Variants in TDRD7 observed in about 807,000 individuals in gnomAD.
TDRD7 encodes tudor domain-containing protein 7.
In TDRD7, 47 loss-of-function variants were observed where a neutral mutation model predicts 109.8. The ratio of observed to expected loss-of-function variants is 0.43; its 90% CI spans 0.34 to 0.55. The LOEUF is 0.55. Ranked by LOEUF, TDRD7 falls within the 20% of genes least tolerant of loss-of-function variation. The pLI is 0.03. For missense variants in TDRD7, 1,164 were observed against 1,319.2 expected (o/e 0.88, Z 1.82); for synonymous variants, 424 against 457.3 (o/e 0.93, Z 0.93).
chr9:97,437,047 C>A (rs1227077066), intron 4 of TDRD7, among the ~76,000 whole-genome samples: 1 of 152,122 alleles, frequency 6.6e-6, no homozygotes, highest in Non-Finnish European at 1.5e-5. Context: ...ACCTACTGCC[C>A]TTATCATAAC....
chr9:97,457,976 C>A (rs1828648899), intron 6 of TDRD7, among the ~76,000 whole-genome samples: 1 of 152,144 alleles, frequency 6.6e-6, no homozygotes, highest in South Asian at 2.1e-4. Flanking sequence ...TTACCAGGGC[C>A]TATTAGGGGG....
chr9:97,438,544 C>T (rs1828242857), intron 4 of TDRD7, among the ~76,000 whole-genome samples: 1 of 152,138 alleles, frequency 6.6e-6, no homozygotes, highest in African/African-American at 2.4e-5. Context: ...AATTAAGACA[C>T]TTAGAGTCTA....
chr9:97,483,483 T>A, intron 15 of TDRD7, 132 bp downstream of exon 15: 1 of 1,129,068 alleles, frequency 8.9e-7, no homozygotes, highest in East Asian at 2.7e-5. Context: ...AACACAGTAA[T>A]TTTTCCGATT....
chr9:97,418,702 A>G (rs556293936), intron 1 of TDRD7, among the ~76,000 whole-genome samples: 5 of 152,302 alleles, frequency 3.3e-5, no homozygotes, highest in Middle Eastern at 3.4e-3. Context: ...AACCTGTAGA[A>G]CAAGCCTCTG....
rs1163548587 is a variant in TDRD7, at chr9:97,482,507, CT to C, written c.2413-339del. On this transcript the variant is annotated intron_variant, in intron 14 of 16. Coordinates refer to ENST00000355295, the MANE Select transcript of TDRD7 (RefSeq NM_014290.3). ...GGGTTCATCATACTTATCATTTCTA[CT>C]TTAAGTGTTTCGAAATATCATTAAT... Among the ~76,000 whole-genome samples the C allele has an allele frequency of 2.6e-5, 4 of 152,276 alleles. No homozygotes were observed. In the East Asian group the frequency reaches 7.7e-4, roughly 29 times the overall value.
intron 16 of TDRD7, 145 bp downstream of exon 16, chr9:97,487,477 T>C (rs1040729124): frequency 1.0e-6 from 1 of 962,270 alleles, no homozygotes; most frequent in African/African-American, 1.6e-5. Flanking sequence ...ATTGCAACCA[T>C]AATGGAAATA....
intron 8 of TDRD7, among the ~76,000 whole-genome samples, chr9:97,465,590 A>G (rs1377190346): frequency 1.3e-5 from 2 of 152,104 alleles, no homozygotes; most frequent in African/African-American, 2.4e-5. Flanking sequence ...TCATACTGTC[A>G]ATGCAGAGAC....
At chr9:97,429,741 T>A (rs1828068279) in intron 2 of TDRD7, among the ~76,000 whole-genome samples, 1 of 152,186 alleles carries the variant, frequency 6.6e-6, no homozygotes, top group Non-Finnish European at 1.5e-5. Flanking sequence ...CTTGACACAA[T>A]GTTTTCTGTT....
Position 97,472,341 on chromosome 9 carries a change from C to G in TDRD7, c.1790C>G (p.Ser597Cys). The change falls in exon 10 of 17, where the codon TCT (serine) becomes TGT (cysteine). Residue 597 changes from serine to cysteine, a missense_variant. By Grantham distance (112) the Ser-to-Cys change is moderately radical. Coordinates refer to ENST00000355295, the MANE Select transcript of TDRD7 (RefSeq NM_014290.3). ...DDPDLVKVVE[S>C]LTCGKIFAVE... ...CCTGATCTAGTGAAGGTGGTTGAAT[C>G]TTTAACTTGTGGAAAGATCTTTGCA... The G allele has an allele frequency of 6.2e-7, 1 of 1,613,916 alleles. No individual in the cohort carries two copies. The highest frequency in any genetic ancestry group is 1.7e-5 in the Admixed American group (1 of 60,008).
chr9:97,419,883 A>G (rs980651439), intron 1 of TDRD7, among the ~76,000 whole-genome samples: 1 of 152,190 alleles, frequency 6.6e-6, no homozygotes, highest in Non-Finnish European at 1.5e-5. Context: ...ACCTGGATTG[A>G]AATCCTAGCT....
chr9:97,440,222 A>G (rs1260551301), intron 5 of TDRD7, among the ~76,000 whole-genome samples: 1 of 152,232 alleles, frequency 6.6e-6, no homozygotes, highest in Non-Finnish European at 1.5e-5. Flanking sequence ...CAGAAACAAG[A>G]GGACTTATTT....
chr9:97,452,723 G>A (rs1828521090), intron 6 of TDRD7, among the ~76,000 whole-genome samples: 1 of 152,162 alleles, frequency 6.6e-6, no homozygotes, highest in Admixed American at 6.5e-5. Context: ...CACAGCCCTG[G>A]AAGCTTAGTA....
At chr9:97,466,532 G>T (rs892011570) in intron 8 of TDRD7, among the ~76,000 whole-genome samples, 2 of 152,104 alleles carry the variant, frequency 1.3e-5, no homozygotes, top group Non-Finnish European at 2.9e-5. Context: ...CCCCAAACTG[G>T]ACACAGCCCA....
chr9:97,463,993 A>T (rs1198753743), intron 7 of TDRD7, among the ~76,000 whole-genome samples: 1 of 152,220 alleles, frequency 6.6e-6, no homozygotes, highest in Non-Finnish European at 1.5e-5. Flanking sequence ...GTGTACTCAC[A>T]GCTTTGTTTT....
At chr9:97,483,573 T>G (rs1203128904) in intron 15 of TDRD7, among the ~76,000 whole-genome samples, 1 of 152,152 alleles carries the variant, frequency 6.6e-6, no homozygotes, top group Non-Finnish European at 1.5e-5. Flanking sequence ...ATAACTAAAA[T>G]GAATGTTTAA....
chr9:97,454,190 A>G (rs1337398885), intron 6 of TDRD7, among the ~76,000 whole-genome samples: 1 of 152,200 alleles, frequency 6.6e-6, no homozygotes, highest in Non-Finnish European at 1.5e-5. Flanking sequence ...AATTATAAAA[A>G]ACAGTCTCGG....
chr9:97,466,618 G>T (rs1423435425), intron 8 of TDRD7, among the ~76,000 whole-genome samples: 1 of 152,144 alleles, frequency 6.6e-6, no homozygotes, highest in Non-Finnish European at 1.5e-5. Flanking sequence ...ACAATACAAA[G>T]GAATTAACTA....
intron 14 of TDRD7, 42 bp from the exon 15 acceptor site, chr9:97,482,807 G>C (rs751765329): frequency 1.2e-6 from 2 of 1,606,608 alleles, no homozygotes; most frequent in South Asian, 2.2e-5. Context: ...AAAATTTAAT[G>C]TGAACTTGTA....
Position 97,480,853 on chromosome 9 carries a change from T to C in TDRD7, c.2327T>C (p.Leu776Pro). 6.2e-7 allele frequency: 1 copy of C among 1,614,130 alleles called. No homozygotes were observed. The highest frequency in any genetic ancestry group is 8.5e-7 in the Non-Finnish European group (1 of 1,179,964). Residue 776 changes from leucine to proline, a missense_variant, in exon 14 of 17, where the codon CTT becomes CCT. Physicochemically the swap from Leu to Pro is moderately conservative, Grantham distance 98 (BLOSUM62 -3). Around this residue, in one of 5 missense-constraint regions of TDRD7, gnomAD observed 233 missense variants for 218.0 expected, o/e 1.07. Coordinates refer to ENST00000355295, the MANE Select transcript of TDRD7 (RefSeq NM_014290.3). ...PQAIKCCLAD[L>P]PQSIGMWTPD... ...GCCATTAAGTGCTGTTTAGCAGATC[T>C]TCCACAATCTATTGGCATGTGGACA...
Sources: gnomAD v4.1 joint callset for allele counts (sites outside exome capture counted in the v4.1 genomes callset) on GRCh38, gnomAD v4.1.1 for gene constraint, gnomAD v4.1.1 regional missense constraint, MANE v1.5 for transcripts, NCBI Gene and HGNC (gene_info 2026-07-23, HGNC 2026-07-21) for gene names.